Variants in CAMK1D observed in about 807,000 individuals in gnomAD.
The protein encoded by CAMK1D is calcium/calmodulin-dependent protein kinase type 1D.
Under a neutral mutation model 47.7 loss-of-function variants are expected in CAMK1D, and 9 were observed. The ratio of observed to expected loss-of-function variants is 0.19; its 90% confidence interval spans 0.11 to 0.33. The LOEUF (loss-of-function observed/expected upper bound fraction) is 0.33. Among genes scored for constraint, CAMK1D ranks in the 10% least tolerant of loss-of-function variants. CAMK1D has a pLI of 1.00. For missense variants in CAMK1D, 291 were observed against 488.7 expected (o/e 0.60, Z 3.81); for synonymous variants, 184 against 184.9 (o/e 0.99, Z 0.04).
chr10:12,685,823 G>T (rs973519027), intron 3 of CAMK1D, among the ~76,000 whole-genome samples: 8 of 152,212 alleles, frequency 5.3e-5, no homozygotes, highest in Non-Finnish European at 1.0e-4. Context: ...CAGAACAGAT[G>T]AGTGGGCAGT....
chr10:12,430,303 C>T (rs1414190323), intron 1 of CAMK1D, among the ~76,000 whole-genome samples: 1 of 152,188 alleles, frequency 6.6e-6, no homozygotes, highest in African/African-American at 2.4e-5. Flanking sequence ...ACACGATCCG[C>T]TCTCCCGGAG....
chr10:12,818,821 G>C (rs1319415705), intron 8 of CAMK1D, among the ~76,000 whole-genome samples: 1 of 152,240 alleles, frequency 6.6e-6, no homozygotes, highest in Non-Finnish European at 1.5e-5. Flanking sequence ...GAAAGGAAAG[G>C]CTTGGGGGAG....
intron 6 of CAMK1D, among the ~76,000 whole-genome samples, chr10:12,808,414 G>C (rs766488519): frequency 3.9e-5 from 6 of 152,296 alleles, no homozygotes; most frequent in Non-Finnish European, 8.8e-5. Context: ...GTGAGTGCTT[G>C]GTATACCTCC....
chr10:12,555,293 G>A (rs1482011681), intron 2 of CAMK1D, among the ~76,000 whole-genome samples: 1 of 152,232 alleles, frequency 6.6e-6, no homozygotes, highest in Admixed American at 6.5e-5. Context: ...ACTGCTGAGA[G>A]GGCCAGGACA....
At chr10:12,665,022 G>A (rs1050132128) in intron 2 of CAMK1D, among the ~76,000 whole-genome samples, 16 of 152,198 alleles carry the variant, frequency 1.1e-4, no homozygotes, top group East Asian at 1.9e-4. Context: ...TGATAATGCC[G>A]TGATTTGTAG....
intron 2 of CAMK1D, among the ~76,000 whole-genome samples, chr10:12,662,520 C>T (rs143449979): frequency 1.3e-5 from 2 of 152,046 alleles, no homozygotes; most frequent in Non-Finnish European, 2.9e-5. Flanking sequence ...GGCATGGTGG[C>T]GGGCGCCTGT....
intron 5 of CAMK1D, 79 bp from the exon 6 acceptor site, chr10:12,791,079 A>G: frequency 7.5e-7 from 1 of 1,338,416 alleles, no homozygotes; most frequent in Non-Finnish European, 1.1e-6. Flanking sequence ...AGTTCAGGCC[A>G]AATAGCAGAC....
At chr10:12,566,270 A>G (rs1241326914) in intron 2 of CAMK1D, among the ~76,000 whole-genome samples, 1 of 152,218 alleles carries the variant, frequency 6.6e-6, no homozygotes, top group African/African-American at 2.4e-5. Context: ...AAGTCACATC[A>G]CGCAAGTGTC....
chr10:12,420,441 A>G (rs1262622976), intron 1 of CAMK1D, among the ~76,000 whole-genome samples: 5 of 152,228 alleles, frequency 3.3e-5, no homozygotes, highest in African/African-American at 9.6e-5. Flanking sequence ...CATAACTCCA[A>G]CAAGGCATTA....
At position 12,404,630 on chromosome 10, in the gene CAMK1D, TAG is replaced by T. The variant is rs144340446; in HGVS notation, c.92+54723_92+54724del. Among the ~76,000 whole-genome samples, 1,439 of 152,222 alleles carry T rather than the reference TAG, an allele frequency of 9.5e-3. 20 individuals carry two copies. Among genetic ancestry groups the T allele is most frequent in the African/African-American group, 0.033 (1,382 of 41,520 alleles). On this transcript the variant is annotated intron_variant, in intron 1 of 10. Coordinates refer to ENST00000619168, the MANE Select transcript of CAMK1D (RefSeq NM_153498.4). ...TAACTTCCTTTGAAAGTTAGAATGA[TAG>T]AGTTTTAGAACGTAAGGGACCTTAG...
At chr10:12,624,192 C>G (rs930414608) in intron 2 of CAMK1D, among the ~76,000 whole-genome samples, 3 of 152,026 alleles carry the variant, frequency 2.0e-5, no homozygotes, top group Non-Finnish European at 1.5e-5. Context: ...ATGAGTATAT[C>G]CCCATATGAG....
At chr10:12,659,009 C>T (rs1442015713) in intron 2 of CAMK1D, among the ~76,000 whole-genome samples, 1 of 152,200 alleles carries the variant, frequency 6.6e-6, no homozygotes, top group East Asian at 1.9e-4. Context: ...AAAGAGCACC[C>T]TGTAACACAT....
intron 1 of CAMK1D, among the ~76,000 whole-genome samples, chr10:12,354,958 G>C (rs562193383): frequency 6.7e-6 from 1 of 150,302 alleles, no homozygotes; most frequent in East Asian, 2.0e-4. Flanking sequence ...TCTCCTTCCT[G>C]AACCTCCAGA....
intron 2 of CAMK1D, among the ~76,000 whole-genome samples, chr10:12,577,380 C>T (rs1837523274): frequency 6.6e-6 from 1 of 152,216 alleles, no homozygotes; most frequent in African/African-American, 2.4e-5. Flanking sequence ...TCTAGGCCTC[C>T]AGCCTGGATC....
intron 1 of CAMK1D, among the ~76,000 whole-genome samples, chr10:12,549,128 T>G (rs1333510056): frequency 6.6e-6 from 1 of 152,198 alleles, no homozygotes; most frequent in East Asian, 1.9e-4. Flanking sequence ...AGTGCTGGGA[T>G]TACAGGCATG....
intron 1 of CAMK1D, among the ~76,000 whole-genome samples, chr10:12,370,142 G>T (rs1234775346): frequency 1.3e-5 from 2 of 152,102 alleles, no homozygotes; most frequent in Non-Finnish European, 2.9e-5. Context: ...CGACAGTGGT[G>T]CCCTGGGGCA....
At chr10:12,510,431 A>C (rs1326206111) in intron 1 of CAMK1D, among the ~76,000 whole-genome samples, 2 of 152,194 alleles carry the variant, frequency 1.3e-5, no homozygotes. Flanking sequence ...AAATAATAAT[A>C]AAAGAGTGTA....
intron 1 of CAMK1D, chr10:12,416,097 G>T (rs371955371): frequency 4.6e-5 from 7 of 151,950 alleles, no homozygotes; most frequent in Non-Finnish European, 1.0e-4. Flanking sequence ...GTGCTACGAC[G>T]TGCAGTATTT....
chr10:12,632,730 T>G (rs1169307430), intron 2 of CAMK1D, among the ~76,000 whole-genome samples: 1 of 152,196 alleles, frequency 6.6e-6, no homozygotes, highest in African/African-American at 2.4e-5. Flanking sequence ...AGTCTCACTC[T>G]GTTGCCCAGG....
Sources: allele counts gnomAD v4.1 joint callset (sites outside exome capture counted in the v4.1 genomes callset), GRCh38; gene constraint gnomAD v4.1.1; transcripts MANE v1.5; gene names NCBI Gene and HGNC (gene_info 2026-07-23, HGNC 2026-07-21).